The following ZNF425 variants were observed in gnomAD, a reference collection of about 807,000 sequenced individuals.
The protein encoded by ZNF425 is zinc finger protein 425.
ZNF425 carries 21 observed loss-of-function variants against 17.0 expected under a neutral mutation model. The observed-to-expected ratio is 1.23, with a 90% CI of 0.88 to 1.78. The LOEUF is 1.78. Among genes scored for constraint, ZNF425 ranks in the 40% most tolerant of loss-of-function variants. The probability of loss-of-function intolerance (pLI) is 0.00; values close to 1 mark genes in which losing one functional copy is unlikely to be tolerated. For synonymous variants in ZNF425, 433 were observed against 384.1 expected (o/e 1.13, Z -1.49); for missense variants, 868 against 967.3 (o/e 0.90, Z 1.36).
intron 1 of ZNF425, among the ~76,000 whole-genome samples, chr7:149,120,086 C>T (rs1469572717): frequency 6.6e-6 from 1 of 152,138 alleles, no homozygotes; most frequent in East Asian, 1.9e-4. Context: ...ATCTATTATC[C>T]ATCACAATTC....
At chr7:149,110,503 T>G (rs936222860) in intron 3 of ZNF425, among the ~76,000 whole-genome samples, 2 of 150,170 alleles carry the variant, frequency 1.3e-5, no homozygotes, top group Non-Finnish European at 3.0e-5. Flanking sequence ...GAGATGGAGG[T>G]TGCAGTGAGC....
chr7:149,125,430 T>C (rs1315128338), intron 1 of ZNF425, among the ~76,000 whole-genome samples: 2 of 152,236 alleles, frequency 1.3e-5, no homozygotes, highest in African/African-American at 4.8e-5. Flanking sequence ...TTTTAAGTTT[T>C]CTGTCCTTTC....
Position 149,103,469 on chromosome 7 carries a change from G to T in ZNF425, c.*143C>A. On this transcript the variant is annotated 3_prime_UTR_variant, in exon 4 of 4. Transcript: ENST00000378061. ...CTGGGCTCAAGCGATCCTCCCACCT[G>T]GGCCTCCCAAAGTAATGGGATTACA... The T allele has an allele frequency of 1.9e-6, 2 of 1,072,412 alleles. No homozygotes were observed. The highest frequency in any genetic ancestry group is 1.3e-6 in the Non-Finnish European group (1 of 769,870). 66.4% of individuals were successfully genotyped at this position (1,072,412 alleles called of 1,614,324 possible). A position where few individuals can be genotyped will look rare whatever the true frequency, so the allele number is the denominator to read the frequency against.
chr7:149,116,450 T>C (rs775454004), intron 2 of ZNF425, among the ~76,000 whole-genome samples: 2 of 152,078 alleles, frequency 1.3e-5, no homozygotes, highest in Non-Finnish European at 2.9e-5. Context: ...ATCAGCAAAA[T>C]CTAGGATTCT....
At chr7:149,111,707 T>C (rs766397537) in intron 3 of ZNF425, among the ~76,000 whole-genome samples, 1 of 149,066 alleles carries the variant, frequency 6.7e-6, no homozygotes, top group African/African-American at 2.5e-5. Context: ...TGAGATGGAG[T>C]CTCGCTCTGT....
At chr7:149,115,110 T>A (rs2129518297) in intron 2 of ZNF425, among the ~76,000 whole-genome samples, 1 of 147,364 alleles carries the variant, frequency 6.8e-6, no homozygotes, top group Middle Eastern at 3.4e-3. Flanking sequence ...ATTTTTTTTT[T>A]TTTTTTTTTT....
chr7:149,105,957 C>CTTTTTT (rs35777509), intron 3 of ZNF425, among the ~76,000 whole-genome samples: 1 of 119,384 alleles, frequency 8.4e-6, no homozygotes, highest in Admixed American at 9.7e-5. Context: ...AATTTTTTTC[C>CTTTTTT]TTTTTTTTTT....
In ZNF425 at chr7:149,104,196, A is replaced by G. The variant is rs1159526515; in HGVS notation, c.1675T>C (p.Cys559Arg). 1 of 1,612,862 alleles carries G rather than the reference A, an allele frequency of 6.2e-7. No individual in the cohort carries two copies. Among genetic ancestry groups the G allele is most frequent in the South Asian group, 1.1e-5 (1 of 91,030 alleles). ...SGEEPFQCPE[C>R]DKSFSWKASM... ...GCCTTCCAGGAGAAGCTCTTGTCGC[A>G]CTCGGGACACTGGAAGGGCTCCTCG... Residue 559 changes from cysteine to arginine, a missense_variant, in exon 4 of 4, where the codon TGC (cysteine) becomes CGC (arginine). By Grantham distance (180) the Cys-to-Arg change is radical (BLOSUM62 -3). Around this residue, in one of 5 missense-constraint regions of ZNF425, gnomAD observed 437 missense variants for 444.2 expected, o/e 0.98. Coordinates refer to ENST00000378061, the MANE Select transcript of ZNF425 (RefSeq NM_001001661.3). The surrounding 1 kb of genome is among the most constrained non-coding windows in gnomAD (Gnocchi z 4.3).
At chr7:149,125,001 A>G (rs967594401) in intron 1 of ZNF425, among the ~76,000 whole-genome samples, 1 of 152,228 alleles carries the variant, frequency 6.6e-6, no homozygotes, top group Non-Finnish European at 1.5e-5. Context: ...TATAAATTCA[A>G]TGTACAAAGA....
At position 149,107,867 on chromosome 7, in the gene ZNF425, T is replaced by TATTTATTC. The variant is rs1486056068; in HGVS notation, c.305-2302_305-2301insGAATAAAT. 2.0e-5 allele frequency among the ~76,000 whole-genome samples: 3 copies of TATTTATTC among 150,932 alleles called. No homozygotes were observed. In the East Asian group the frequency reaches 5.8e-4, roughly 29 times the overall value. On this transcript the variant is annotated intron_variant, in intron 3 of 3. Transcript: ENST00000378061. ...TTATTTATTTATTTATTTATTTATT[T>TATTTATTC]ATTTATTTATTTTTGAGCTAGGTCT...
chr7:149,117,767 C>T (rs1826290514), intron 2 of ZNF425, among the ~76,000 whole-genome samples: 1 of 143,732 alleles, frequency 7.0e-6, no homozygotes, highest in Non-Finnish European at 1.5e-5. Flanking sequence ...ATTCTCCTGT[C>T]TCAGCCTCCC....
In ZNF425 at chr7:149,104,059, G is replaced by C; in HGVS notation, c.1812C>G (p.His604Gln). 3.7e-6 allele frequency: 6 copies of C among 1,613,548 alleles called. No homozygotes were observed. Among genetic ancestry groups the C allele is most frequent in the South Asian group, 3.3e-5 (3 of 91,086 alleles). Residue 604 changes from histidine (H) to glutamine (Q), a missense_variant, in exon 4 of 4, where the codon CAC becomes CAG. This residue lies in a region of ZNF425 where 437 missense variants were observed against 444.2 expected (regional missense o/e 0.98). Coordinates refer to ENST00000378061, the MANE Select transcript of ZNF425 (RefSeq NM_001001661.3). The surrounding 1 kb of genome is among the most constrained non-coding windows in gnomAD (Gnocchi z 4.3). ...QSQLTEHLRL[H>Q]SGEKPYQCPE... ...GACACTGGTAGGGCTTCTCTCCACT[G>C]TGCAGCCTCAGGTGCTCGGTGAGCT...
rs1305772952 is a variant in ZNF425, at chr7:149,102,893, A to G, written c.*719T>C. The G allele has an allele frequency of 6.6e-6, 1 of 152,234 alleles. No homozygotes were observed. Among genetic ancestry groups the G allele is most frequent in the Non-Finnish European group, 1.5e-5 (1 of 68,038 alleles). The allele number at this position is 152,234 out of a possible 1,614,324, so 9.4% of individuals were successfully genotyped here. A position where few individuals can be genotyped will look rare whatever the true frequency, so the allele number is the denominator to read the frequency against. On this transcript the variant is annotated 3_prime_UTR_variant, in exon 4 of 4. Coordinates refer to ENST00000378061, the MANE Select transcript of ZNF425 (RefSeq NM_001001661.3). ...AGAAAATGAAAATCCACTATGAGAG[A>G]AAACTGAAGACTTTAATACAGATTT... is the stretch of plus-strand genomic sequence containing the variant.
intron 1 of ZNF425, among the ~76,000 whole-genome samples, chr7:149,123,604 T>C (rs1826395566): frequency 6.6e-6 from 1 of 152,154 alleles, no homozygotes; most frequent in African/African-American, 2.4e-5. Flanking sequence ...CAATCTTGGC[T>C]CACTGCAACC....
rs533842081 is a variant in ZNF425, at chr7:149,104,665, G to A, written c.1206C>T (p.Asp402=). ...GRKFIYKIKL[D]EHIRVHTGEK... ...CTCCCGTGTGAACTCTGATGTGCTCGTCCAGCTTAATCTTGTAGATGAATT... is the reference window on the plus strand; with the variant it reads ...CTCCCGTGTGAACTCTGATGTGCTCATCCAGCTTAATCTTGTAGATGAATT... The change falls in exon 4 of 4, where the codon GAC becomes GAT. Residue 402 remains aspartate, a synonymous_variant. Transcript: ENST00000378061. This position sits in a 1 kb window ranked among gnomAD's most constrained non-coding sequence, Gnocchi z 4.3. The A allele has an allele frequency of 2.5e-6, 4 of 1,614,058 alleles. No individual in the cohort carries two copies. The highest frequency in any genetic ancestry group is 1.1e-5 in the South Asian group (1 of 91,086).
rs765203231 is a variant in ZNF425, at chr7:149,104,702, TCAC to T, written c.1166_1168del (p.Gly389del). On this transcript the variant is annotated inframe_deletion, in exon 4 of 4. Transcript: ENST00000378061. This position sits in a 1 kb window ranked among gnomAD's most constrained non-coding sequence, Gnocchi z 4.3. ...CTTGTAGATGAATTTCCTGCCACAT[TCAC>T]CACAAGAAAACGGCTTTTCCTCGCT... 9.6e-5 allele frequency: 155 copies of T among 1,613,828 alleles called. No homozygotes were observed. The South Asian group carries it at 1.4e-3, about 14-fold the overall frequency.
rs374583687 is a variant in ZNF425 at position 149,104,873 on chromosome 7, G to A, written c.998C>T (p.Pro333Leu). The change falls in exon 4 of 4, where the codon CCG becomes CTG. Residue 333 changes from proline to leucine, a missense_variant. Pro to Leu is a moderately conservative substitution (Grantham distance 98). Around this residue, in one of 5 missense-constraint regions of ZNF425, gnomAD observed 243 missense variants for 265.2 expected, o/e 0.92. Transcript: ENST00000378061. The surrounding 1 kb of genome is among the most constrained non-coding windows in gnomAD (Gnocchi z 4.3). The part of the protein sequence containing the change: ...LHSGEKPFQC[P>L]QCDRCFRLKR... ...CAGGCGGAAGCACCGGTCACACTGC[G>A]GACACTGGAAGGGCTTCTCTCCGCT... The A allele has an allele frequency of 4.4e-5, 71 of 1,613,472 alleles. No homozygotes were observed. The Admixed American group carries it at 5.2e-4, about 12-fold the overall frequency.
intron 3 of ZNF425, among the ~76,000 whole-genome samples, chr7:149,110,960 A>G (rs1429903035): frequency 2.0e-5 from 3 of 151,620 alleles, no homozygotes; most frequent in Non-Finnish European, 4.4e-5. Context: ...ACCCCCGGCT[A>G]ATTTTTGTAT....
chr7:149,112,261 C>T lies in ZNF425; in HGVS notation c.180G>A (p.Trp60Ter). The T allele has an allele frequency of 6.2e-7, 1 of 1,613,970 alleles. No individual in the cohort carries two copies. Among genetic ancestry groups the T allele is most frequent in the Non-Finnish European group, 8.5e-7 (1 of 1,179,904 alleles). Residue 60 changes from tryptophan to a stop codon, truncating the protein, a stop_gained, in exon 3 of 4, where the codon TGG (tryptophan) becomes TGA (stop). Coordinates refer to ENST00000378061, the MANE Select transcript of ZNF425 (RefSeq NM_001001661.3). LOFTEE classifies it high-confidence loss of function. ...TTAATAGCATTCTCCCTTGTTCCAT[C>T]CATGTGATCAAATCTGGCTTGGAAA... Reference protein sequence around the residue: ...YAFSKPDLITWMEQGRMLLIS... With the variant: ...YAFSKPDLIT
Sources: allele counts gnomAD v4.1 joint callset (sites outside exome capture counted in the v4.1 genomes callset), GRCh38; gene constraint gnomAD v4.1.1; regional missense constraint gnomAD v4.1.1; non-coding constraint Gnocchi (gnomAD v3.1); transcripts MANE v1.5; gene names NCBI Gene and HGNC (gene_info 2026-07-23, HGNC 2026-07-21).